Variants in FKBP14 observed in about 807,000 individuals in gnomAD.
FKBP14 encodes FKBP prolyl isomerase 14.
Under a neutral mutation model 21.6 loss-of-function variants are expected in FKBP14, and 20 were observed. The ratio of observed to expected loss-of-function variants is 0.92; its 90% CI spans 0.65 to 1.34. The LOEUF (loss-of-function observed/expected upper bound fraction) is 1.34, where lower values mean the gene tolerates loss of function less well. Ranked by LOEUF, FKBP14 falls within the 40% of genes most tolerant of loss-of-function variation. The pLI, the probability that FKBP14 is intolerant of heterozygous loss-of-function variation, is 0.00. For synonymous variants in FKBP14, 79 were observed against 86.7 expected (o/e 0.91, Z 0.49); for missense variants, 253 against 249.0 (o/e 1.02, Z -0.11).
rs1789748282 is a variant in FKBP14, at chr7:30,011,879, T to C, written c.*2856A>G. ...TGACCAGATTTTTTACAAAATCTTT[T>C]ATACCATATTGTTATTGTTGTAGTA... On this transcript the variant is annotated 3_prime_UTR_variant, in exon 4 of 4. Transcript: ENST00000222803. 1 of 152,156 alleles carries C rather than the reference T, an allele frequency of 6.6e-6. No homozygotes were observed. The highest frequency in any genetic ancestry group is 1.5e-5 in the Non-Finnish European group (1 of 68,028). 9.4% of individuals were successfully genotyped at this position (152,156 alleles called of 1,614,324 possible).
downstream of FKBP14, among the ~76,000 whole-genome samples, chr7:30,008,669 TGA>T (rs1789656214): frequency 7.3e-6 from 1 of 137,436 alleles, no homozygotes; most frequent in Non-Finnish European, 1.6e-5. Flanking sequence ...TGCAGTGAGC[TGA>T]GATTTAAAAA....
In FKBP14 at chr7:30,022,682, T is replaced by C. The variant is rs979920699; in HGVS notation, c.332A>G (p.Tyr111Cys). The C allele has an allele frequency of 6.2e-7, 1 of 1,612,348 alleles. No homozygotes were observed. The highest frequency in any genetic ancestry group is 8.5e-7 in the Non-Finnish European group (1 of 1,179,460). Residue 111 changes from tyrosine to cysteine, a missense_variant, in exon 2 of 4, where the codon TAT (tyrosine) becomes TGT (cysteine). Coordinates refer to ENST00000222803, the MANE Select transcript of FKBP14 (RefSeq NM_017946.4). ...RKLIIPPALG[Y>C]GKEGKGKIPP... ...ACTATTACCTTTTCCTTCTTTTCCA[T>C]AGCCCAGAGCAGGAGGAATGATGAG...
downstream of FKBP14, among the ~76,000 whole-genome samples, chr7:30,008,739 G>A (rs1028156244): frequency 1.3e-5 from 2 of 151,872 alleles, no homozygotes; most frequent in Admixed American, 1.3e-4. Context: ...CACTTTGGGA[G>A]GCCAAGGCAG....
rs771213302 is a variant in FKBP14 at position 30,026,323 on chromosome 7, T to C, written c.186A>G (p.Leu62=). The change falls in exon 1 of 4, where the codon TTA becomes TTG. Residue 62 remains leucine, a synonymous_variant. Coordinates refer to ENST00000222803, the MANE Select transcript of FKBP14 (RefSeq NM_017946.4). ...YEGYLEKDGS[L]FHSTHKHNNG... is the part of the protein sequence containing the mutation. ...GCATAATTACTTACGTGGAGTGAAA[T>C]AAGGAGCCGTCCTTTTCTAAGTAGC... is the stretch of plus-strand genomic sequence containing the variant. 1.7e-5 allele frequency: 28 copies of C among 1,608,420 alleles called. No homozygotes were observed. The highest frequency in any genetic ancestry group is 2.2e-5 in the Non-Finnish European group (26 of 1,176,960).
At chr7:30,019,199 A>G (rs1789967645) in intron 2 of FKBP14, 76 bp from the exon 3 acceptor site, 23 of 1,446,832 alleles carry the variant, frequency 1.6e-5, no homozygotes, top group Admixed American at 2.6e-5. Flanking sequence ...GGTAATGGAC[A>G]AAGTATTTTT....
rs1562834431 is a variant in FKBP14, at chr7:30,011,596, ATATATATATATATAT to A, written c.*3124_*3138del. The A allele has an allele frequency of 3.9e-5, 5 of 126,810 alleles. No individual in the cohort carries two copies. The highest frequency in any genetic ancestry group is 2.4e-4 in the South Asian group (1 of 4,238). 7.9% of individuals were successfully genotyped at this position (126,810 alleles called of 1,614,324 possible). ...TATGGTATATATATATATATAGTAT[ATATATATATATATAT>A]TTTTTTTTTTAGATGGGGAGTCACT... On this transcript the variant is annotated 3_prime_UTR_variant, in exon 4 of 4. Coordinates refer to ENST00000222803, the MANE Select transcript of FKBP14 (RefSeq NM_017946.4).
Position 30,014,385 on chromosome 7 carries a change from A to T in FKBP14, c.*350T>A. 1 of 158,000 alleles carries T rather than the reference A, an allele frequency of 6.3e-6. No homozygotes were observed. The highest frequency in any genetic ancestry group is 1.4e-5 in the Non-Finnish European group (1 of 72,100). The allele number at this position is 158,000 out of a possible 1,614,324, so 9.8% of individuals were successfully genotyped here. A position where few individuals can be genotyped will look rare whatever the true frequency, so the allele number is the denominator to read the frequency against. ...CTTGGAGAAAATAGAGGGAAGCAGA[A>T]ATATAGGGTGCTAATTTGTGCTATA... On this transcript the variant is annotated 3_prime_UTR_variant, in exon 4 of 4. Transcript: ENST00000222803.
downstream of FKBP14, among the ~76,000 whole-genome samples, chr7:30,010,056 TAATAA>T (rs1789686550): frequency 6.6e-6 from 1 of 152,110 alleles, no homozygotes; most frequent in Non-Finnish European, 1.5e-5. Context: ...CACACATCAT[TAATAA>T]AATAAAAACT....
In FKBP14 at chr7:30,012,120, A is replaced by C. The variant is rs1307316357; in HGVS notation, c.*2615T>G. 6.6e-6 allele frequency: 1 copy of C among 152,240 alleles called. No homozygotes were observed. Among genetic ancestry groups the C allele is most frequent in the Non-Finnish European group, 1.5e-5 (1 of 68,050 alleles). The allele number at this position is 152,240 out of a possible 1,614,324, so 9.4% of individuals were successfully genotyped here. Reference sequence around the variant, plus strand: ...CCTAATTAGACATTTCTCAGAGTGCATCTCCATCATTAAGTGAGGTATGAC... The same window carrying C: ...CCTAATTAGACATTTCTCAGAGTGCCTCTCCATCATTAAGTGAGGTATGAC... On this transcript the variant is annotated 3_prime_UTR_variant, in exon 4 of 4. Coordinates refer to ENST00000222803, the MANE Select transcript of FKBP14 (RefSeq NM_017946.4).
chr7:30,024,031 A>G (rs936870626), intron 1 of FKBP14, among the ~76,000 whole-genome samples: 3 of 152,186 alleles, frequency 2.0e-5, no homozygotes, highest in African/African-American at 7.2e-5. Context: ...GCCGAACTAC[A>G]TACAGGGAGG....
downstream of FKBP14, among the ~76,000 whole-genome samples, chr7:30,009,994 G>A (rs1287044198): frequency 6.6e-6 from 1 of 151,962 alleles, no homozygotes; most frequent in Non-Finnish European, 1.5e-5. Flanking sequence ...GCGAAACTGT[G>A]TCTCAACAAC....
Position 30,014,878 on chromosome 7 carries a change from T to G in FKBP14, c.493A>C (p.Lys165Gln). The change falls in exon 4 of 4, where the codon AAG becomes CAG. Residue 165 changes from lysine (K) to glutamine (Q), a missense_variant. Lys to Gln is a moderately conservative substitution (Grantham distance 53). Transcript: ENST00000222803. ...GCACCATGTTTTTCAAACTCCTTCT[T>G]TAAATATGCTTTAACCTACAAAATA... ...LSKDEVKAYL[K>Q]KEFEKHGAVV... The G allele has an allele frequency of 6.3e-7, 1 of 1,591,006 alleles. No individual in the cohort carries two copies. The highest frequency in any genetic ancestry group is 8.5e-7 in the Non-Finnish European group (1 of 1,172,462).
At chr7:30,025,074 A>G (rs1790138381) in intron 1 of FKBP14, among the ~76,000 whole-genome samples, 1 of 152,174 alleles carries the variant, frequency 6.6e-6, no homozygotes, top group African/African-American at 2.4e-5. Flanking sequence ...TCATTTCCCC[A>G]ACCCTCAAGA....
downstream of FKBP14, among the ~76,000 whole-genome samples, chr7:30,007,401 G>A (rs1457837250): frequency 6.6e-6 from 1 of 151,782 alleles, no homozygotes; most frequent in Non-Finnish European, 1.5e-5. Context: ...GTAGAGACCG[G>A]GTTTCACCAT....
downstream of FKBP14, among the ~76,000 whole-genome samples, chr7:30,009,091 C>G (rs1369151103): frequency 6.6e-6 from 1 of 151,972 alleles, no homozygotes; most frequent in African/African-American, 2.4e-5. Context: ...GTAAAATGGG[C>G]AAGAAACAAA....
intron 2 of FKBP14, chr7:30,020,358 T>C: frequency 1.0e-6 from 1 of 968,824 alleles, no homozygotes; most frequent in Non-Finnish European, 1.4e-6. Context: ...TGGCATTCAG[T>C]TTGAAGGAAA....
intron 2 of FKBP14, 88 bp downstream of exon 2, chr7:30,022,577 A>G (rs1258697036): frequency 2.1e-6 from 3 of 1,423,054 alleles, no homozygotes; most frequent in African/African-American, 1.4e-5. Context: ...CAGGGGAAAA[A>G]AAAAAGTTAT....
intron 2 of FKBP14, 75 bp downstream of exon 2, chr7:30,022,590 T>A: frequency 6.8e-7 from 1 of 1,460,630 alleles, no homozygotes; most frequent in African/African-American, 1.4e-5. Flanking sequence ...AAAGTTATAG[T>A]GACTCTAACT....
downstream of FKBP14, among the ~76,000 whole-genome samples, chr7:30,006,417 A>G (rs1789619276): frequency 6.6e-6 from 1 of 151,716 alleles, no homozygotes; most frequent in Non-Finnish European, 1.5e-5. Context: ...GTGAGCCACC[A>G]TGGCTGGCTA....
Sources: allele counts gnomAD v4.1 joint callset (sites outside exome capture counted in the v4.1 genomes callset), GRCh38; gene constraint gnomAD v4.1.1; transcripts MANE v1.5; gene names NCBI Gene and HGNC (gene_info 2026-07-23, HGNC 2026-07-21).